The following EPHA7 variants were observed in gnomAD, a reference collection of about 807,000 sequenced individuals.
EPHA7 encodes the protein ephrin type-A receptor 7.
Under a neutral mutation model 112.6 loss-of-function variants are expected in EPHA7, and 25 were observed. The ratio of observed to expected loss-of-function variants is 0.22; its 90% CI spans 0.16 to 0.31. The LOEUF is 0.31. EPHA7 is among the 10% of genes least tolerant of loss of function. The pLI, the probability that EPHA7 is intolerant of heterozygous loss-of-function variation, is 1.00. For synonymous variants in EPHA7, 437 were observed against 406.5 expected (o/e 1.07, Z -0.90); for missense variants, 962 against 1,212.6 (o/e 0.79, Z 3.07).
intron 5 of EPHA7, among the ~76,000 whole-genome samples, chr6:93,297,625 AG>A (rs1322382325): frequency 6.6e-6 from 1 of 152,154 alleles, no homozygotes; most frequent in Admixed American, 6.5e-5. Flanking sequence ...GAGAAATGGA[AG>A]GTTCTTTGTA....
intron 14 of EPHA7, among the ~76,000 whole-genome samples, chr6:93,247,613 G>A (rs142419278): frequency 8.0e-4 from 122 of 152,240 alleles, no homozygotes; most frequent in African/African-American, 2.4e-3. Context: ...TGAAATCAGC[G>A]TGGGGGAAGG....
intron 5 of EPHA7, among the ~76,000 whole-genome samples, chr6:93,331,408 A>G (rs1774586433): frequency 6.6e-6 from 1 of 151,106 alleles, no homozygotes; most frequent in African/African-American, 2.4e-5. Context: ...TCCTGAATAC[A>G]TGCCTTCCTG....
At chr6:93,356,592 C>A in intron 5 of EPHA7, 125 bp downstream of exon 5, 1 of 860,346 alleles carries the variant, frequency 1.2e-6, no homozygotes, top group Middle Eastern at 2.4e-4. Context: ...AAAGTTAAAG[C>A]TGTAAATAAT....
intron 5 of EPHA7, among the ~76,000 whole-genome samples, chr6:93,303,338 C>T (rs1335919628): frequency 6.6e-6 from 1 of 152,096 alleles, no homozygotes; most frequent in Non-Finnish European, 1.5e-5. Flanking sequence ...AACCTATCTC[C>T]TTACTTCTGT....
At chr6:93,279,450 T>C (rs1391309226) in intron 5 of EPHA7, among the ~76,000 whole-genome samples, 1 of 152,070 alleles carries the variant, frequency 6.6e-6, no homozygotes, top group Non-Finnish European at 1.5e-5. Context: ...GGCAAACTGG[T>C]ATCTAATTAA....
chr6:93,258,371 T>A, intron 10 of EPHA7, 87 bp from the exon 11 acceptor site: 1 of 1,262,160 alleles, frequency 7.9e-7, no homozygotes. Flanking sequence ...TATTTTTCTT[T>A]AACTTTTAGT....
chr6:93,275,790 G>T (rs1771442288), intron 5 of EPHA7, among the ~76,000 whole-genome samples: 1 of 151,978 alleles, frequency 6.6e-6, no homozygotes, highest in African/African-American at 2.4e-5. Context: ...TCAGTAACAA[G>T]AATGGTGGGT....
chr6:93,295,966 A>G (rs943943243), intron 5 of EPHA7, among the ~76,000 whole-genome samples: 2 of 151,872 alleles, frequency 1.3e-5, no homozygotes, highest in African/African-American at 4.8e-5. Context: ...TCCTACTGGA[A>G]GTTATATCAT....
intron 3 of EPHA7, among the ~76,000 whole-genome samples, chr6:93,395,405 A>T (rs1369310659): frequency 6.6e-6 from 1 of 151,904 alleles, no homozygotes; most frequent in Non-Finnish European, 1.5e-5. Flanking sequence ...TAGAGACAGA[A>T]GAAAGCCAAA....
In EPHA7 at chr6:93,261,920, T is replaced by A. The variant is rs141378003; in HGVS notation, c.1798+1940A>T. Among the ~76,000 whole-genome samples the A allele has an allele frequency of 3.5e-3, 531 of 151,658 alleles. 7 individuals carry two copies. The highest frequency in any genetic ancestry group is 0.012 in the African/African-American group (517 of 41,492). Reference sequence around the variant, plus strand: ...TATACAACAAATTTTGGATAAGCCATGTTTCAACTGACCTTCTGCATTAAC... The same window carrying A: ...TATACAACAAATTTTGGATAAGCCAAGTTTCAACTGACCTTCTGCATTAAC... On this transcript the variant is annotated intron_variant, in intron 9 of 16. Transcript: ENST00000369303.
chr6:93,296,452 TAAA>T (rs1772672402), intron 5 of EPHA7, among the ~76,000 whole-genome samples: 6 of 136,136 alleles, frequency 4.4e-5, no homozygotes, highest in South Asian at 2.1e-4. Flanking sequence ...AATATATATA[TAAA>T]TATATATATA....
intron 14 of EPHA7, 125 bp from the exon 15 acceptor site, chr6:93,247,110 C>CT (rs1352691585): frequency 3.5e-6 from 3 of 851,766 alleles, no homozygotes; most frequent in Non-Finnish European, 5.1e-6. Context: ...AAAAGACTTA[C>CT]TTTTTTCCCA....
At chr6:93,245,014 TA>T (rs1352144278) in intron 16 of EPHA7, among the ~76,000 whole-genome samples, 4 of 152,162 alleles carry the variant, frequency 2.6e-5, no homozygotes, top group Non-Finnish European at 5.9e-5. Flanking sequence ...TAACTTGGCT[TA>T]GGGGAAATAT....
At chr6:93,311,869 G>A (rs2127866376) in intron 5 of EPHA7, among the ~76,000 whole-genome samples, 1 of 152,230 alleles carries the variant, frequency 6.6e-6, no homozygotes, top group African/African-American at 2.4e-5. Context: ...CATTTTAGCA[G>A]GCATGACAAT....
At chr6:93,381,467 T>C (rs1434748555) in intron 3 of EPHA7, among the ~76,000 whole-genome samples, 1 of 152,174 alleles carries the variant, frequency 6.6e-6, no homozygotes, top group African/African-American at 2.4e-5. Flanking sequence ...ACTTAAAATA[T>C]GGCCCTTAAA....
intron 5 of EPHA7, among the ~76,000 whole-genome samples, chr6:93,293,809 A>C (rs766739929): frequency 3.3e-5 from 5 of 152,162 alleles, no homozygotes; most frequent in Admixed American, 2.0e-4. Context: ...TATGTTAATT[A>C]TGGTTCCTTT....
intron 10 of EPHA7, among the ~76,000 whole-genome samples, chr6:93,259,046 G>A (rs980629400): frequency 6.6e-6 from 1 of 151,874 alleles, no homozygotes; most frequent in Admixed American, 6.6e-5. Context: ...GGAAATTTCT[G>A]ACCTTTTAAA....
At chr6:93,257,051 C>T (rs889701315) in intron 12 of EPHA7, among the ~76,000 whole-genome samples, 2 of 151,962 alleles carry the variant, frequency 1.3e-5, no homozygotes, top group Non-Finnish European at 2.9e-5. Flanking sequence ...TTGGTGTTCA[C>T]CTAACAATAA....
At position 93,246,757 on chromosome 6, in the gene EPHA7, T is replaced by G. The variant is rs753909949; in HGVS notation, c.2726+35A>C. The G allele has an allele frequency of 3.2e-6, 5 of 1,540,448 alleles. 1 individual carries two copies. Among genetic ancestry groups the G allele is most frequent in the Non-Finnish European group, 4.4e-6 (5 of 1,124,760 alleles). ...AAATGGTTTATGTTACTATTGTAAT[T>G]TCTCCCAGATTCCATTCCCTTAGGC... On this transcript the variant is annotated intron_variant, in intron 15 of 16. Transcript: ENST00000369303.
Sources: gnomAD v4.1 joint callset for allele counts (sites outside exome capture counted in the v4.1 genomes callset) on GRCh38, gnomAD v4.1.1 for gene constraint, MANE v1.5 for transcripts, NCBI Gene and HGNC (gene_info 2026-07-23, HGNC 2026-07-21) for gene names.